Variants in ANKRD13A observed in about 807,000 individuals in gnomAD.
ANKRD13A encodes the protein ankyrin repeat domain-containing protein 13A.
Under a neutral mutation model 81.3 loss-of-function variants are expected in ANKRD13A, and 48 were observed. The observed-to-expected ratio is 0.59, with a 90% CI of 0.47 to 0.75. The LOEUF is 0.75. Among genes scored for constraint, ANKRD13A ranks in the 30% least tolerant of loss-of-function variants. The probability of loss-of-function intolerance (pLI) is 0.00; values close to 1 mark genes in which losing one functional copy is unlikely to be tolerated. For missense variants in ANKRD13A, 612 were observed against 734.0 expected, an observed-to-expected ratio of 0.83 and a Z score of 1.92; for synonymous variants, 230 against 270.1, an observed-to-expected ratio of 0.85 and a Z score of 1.45.
intron 1 of ANKRD13A, among the ~76,000 whole-genome samples, chr12:110,007,114 C>T (rs984632143): frequency 2.6e-5 from 4 of 152,120 alleles, no homozygotes; most frequent in Non-Finnish European, 5.9e-5. Context: ...TTGTGTAGTA[C>T]GTTTTAAAAT....
rs549145909 is a variant in ANKRD13A, at chr12:110,001,409, A to G, written c.96+1625A>G. 7.3e-5 allele frequency among the ~76,000 whole-genome samples: 11 copies of G among 151,332 alleles called. No individual in the cohort carries two copies. In the South Asian group the frequency reaches 1.0e-3, roughly 14 times the overall value. Reference sequence around the variant, plus strand: ...GGTGGTTGAGCCCTCACCGAAGTCCAAAATTACCCTCTTTTCTTTTCTGTT... The same window carrying G: ...GGTGGTTGAGCCCTCACCGAAGTCCGAAATTACCCTCTTTTCTTTTCTGTT... On this transcript the variant is annotated intron_variant, in intron 1 of 14. Transcript: ENST00000261739.
rs11831498 is a variant in ANKRD13A at position 110,006,627 on chromosome 12, G to A, written c.97-5378G>A. ...CTTTTTTTTTTTGAGATGGAGTTTC[G>A]CTCTTGTTGCCTAGGCTGGAGTGCA... is the stretch of plus-strand genomic sequence containing the variant. On this transcript the variant is annotated intron_variant, in intron 1 of 14. Coordinates refer to ENST00000261739, the MANE Select transcript of ANKRD13A (RefSeq NM_033121.2). 4.8e-3 allele frequency among the ~76,000 whole-genome samples: 722 copies of A among 151,040 alleles called. 8 individuals carry two copies. The highest frequency in any genetic ancestry group is 0.017 in the African/African-American group (698 of 41,032).
At chr12:110,003,599 C>T (rs1246561612) in intron 1 of ANKRD13A, among the ~76,000 whole-genome samples, 2 of 152,132 alleles carry the variant, frequency 1.3e-5, no homozygotes, top group South Asian at 2.1e-4. Context: ...CTGGAGTCCC[C>T]CTAAAGGTGA....
intron 1 of ANKRD13A, among the ~76,000 whole-genome samples, chr12:110,000,547 A>G (rs1247764882): frequency 6.6e-6 from 1 of 152,098 alleles, no homozygotes; most frequent in East Asian, 1.9e-4. Flanking sequence ...GTGATTTTGC[A>G]CCCACGACCC....
At chr12:110,037,067 C>T (rs932233484) in intron 14 of ANKRD13A, among the ~76,000 whole-genome samples, 1 of 152,214 alleles carries the variant, frequency 6.6e-6, no homozygotes, top group Non-Finnish European at 1.5e-5. Flanking sequence ...AAGACTTATA[C>T]TTAAGGTGTC....
intron 13 of ANKRD13A, among the ~76,000 whole-genome samples, chr12:110,034,947 C>G (rs777903529): frequency 6.6e-6 from 1 of 152,226 alleles, no homozygotes; most frequent in Non-Finnish European, 1.5e-5. Context: ...TGCTCACACT[C>G]CAGCGTCCTC....
Position 110,028,587 on chromosome 12 carries a change from G to A in ANKRD13A, c.1021G>A (p.Asp341Asn), listed in dbSNP as rs1891481552. ...TPDEYFNEEF[D>N]LKDRDIGRPK... ...TGATGAGTACTTCAATGAAGAGTTT[G>A]ATCTGAAAGACAGGGACATTGGAAG... Residue 341 changes from aspartate (D) to asparagine (N), a missense_variant, in exon 10 of 15, where the codon GAT becomes AAT. Physicochemically the swap from Asp to Asn is conservative, Grantham distance 23. Coordinates refer to ENST00000261739, the MANE Select transcript of ANKRD13A (RefSeq NM_033121.2). The A allele has an allele frequency of 1.2e-6, 2 of 1,614,068 alleles. No homozygotes were observed. Among genetic ancestry groups the A allele is most frequent in the African/African-American group, 1.3e-5 (1 of 74,924 alleles).
intron 4 of ANKRD13A, among the ~76,000 whole-genome samples, chr12:110,016,809 G>GAAC (rs1890827443): frequency 6.6e-6 from 1 of 151,718 alleles, no homozygotes; most frequent in African/African-American, 2.4e-5. Context: ...GTCTCACTCT[G>GAAC]TTGTCCAGGC....
intron 12 of ANKRD13A, among the ~76,000 whole-genome samples, chr12:110,031,603 G>A (rs1259370516): frequency 1.3e-5 from 2 of 151,968 alleles, no homozygotes; most frequent in African/African-American, 4.8e-5. Flanking sequence ...CACCCAGCTC[G>A]GCCTCCCAAA....
chr12:110,026,718 C>A (rs1275679380), intron 8 of ANKRD13A, among the ~76,000 whole-genome samples: 1 of 151,876 alleles, frequency 6.6e-6, no homozygotes, highest in African/African-American at 2.4e-5. Flanking sequence ...CCTATCTTTA[C>A]TAAAAATACA....
At chr12:110,030,556 A>G (rs985825224) in intron 11 of ANKRD13A, 89 bp from the exon 12 acceptor site, 1 of 649,606 alleles carries the variant, frequency 1.5e-6, no homozygotes, top group Non-Finnish European at 2.5e-6. Context: ...TTATCAAAGT[A>G]CTTGGCATAG....
chr12:110,032,866 T>C (rs1891776920), intron 12 of ANKRD13A: 1 of 152,160 alleles, frequency 6.6e-6, no homozygotes, highest in Non-Finnish European at 1.5e-5. Flanking sequence ...CATGATTCCA[T>C]TTATGTCGAG....
At chr12:110,020,616 C>T (rs944506192) in intron 6 of ANKRD13A, among the ~76,000 whole-genome samples, 1 of 152,198 alleles carries the variant, frequency 6.6e-6, no homozygotes, top group African/African-American at 2.4e-5. Flanking sequence ...GACTGACTGG[C>T]TTTCCCTGGG....
chr12:110,033,049 CTTTTTCT>C (rs1891789330), intron 12 of ANKRD13A, among the ~76,000 whole-genome samples: 5 of 144,782 alleles, frequency 3.5e-5, no homozygotes. Context: ...GTGTTTTTTT[CTTTTTCT>C]TTTTTTTTTT....
chr12:110,028,427 G>A (rs930259185), intron 9 of ANKRD13A, 85 bp from the exon 10 acceptor site: 20 of 1,513,974 alleles, frequency 1.3e-5, no homozygotes, highest in African/African-American at 2.8e-5. Flanking sequence ...TGGTTAACAC[G>A]TCCACCTCAG....
Position 110,029,599 on chromosome 12 carries a change from A to G in ANKRD13A, c.1198A>G (p.Lys400Glu), listed in dbSNP as rs745782030. The G allele has an allele frequency of 6.2e-7, 1 of 1,613,670 alleles. No individual in the cohort carries two copies. Among genetic ancestry groups the G allele is most frequent in the South Asian group, 1.1e-5 (1 of 91,082 alleles). The change falls in exon 11 of 15, where the codon AAA becomes GAA. Residue 400 changes from lysine to glutamate, a missense_variant. Lys to Glu is a moderately conservative substitution (Grantham distance 56). Coordinates refer to ENST00000261739, the MANE Select transcript of ANKRD13A (RefSeq NM_033121.2). ...AHFARLRDFI[K>E]LEFPPGFPVK... The stretch of plus-strand genomic sequence containing the variant: ...TTTTGCAAGACTGAGAGATTTCATC[A>G]AATTGGAATTCCCACCTGGATTTCC...
rs906684248 is a variant in ANKRD13A, at chr12:110,039,085, T to G, written c.*1531T>G. On this transcript the variant is annotated 3_prime_UTR_variant, in exon 15 of 15. Coordinates refer to ENST00000261739, the MANE Select transcript of ANKRD13A (RefSeq NM_033121.2). ...TCTGTTTTGTTTTTTTTTTTTGTCA[T>G]TGTCTGACCAAAATTCCTTCTGCAC... 1 of 151,768 alleles carries G rather than the reference T, an allele frequency of 6.6e-6. No individual in the cohort carries two copies. The highest frequency in any genetic ancestry group is 2.4e-5 in the African/African-American group (1 of 41,180). 9.4% of individuals were successfully genotyped at this position (151,768 alleles called of 1,614,324 possible).
intron 10 of ANKRD13A, chr12:110,028,883 G>A (rs565596933): frequency 1.3e-4 from 48 of 373,456 alleles, no homozygotes; most frequent in Middle Eastern, 1.0e-3. Flanking sequence ...GACTACAGGC[G>A]CGTGCCACCA....
At chr12:110,007,348 T>C (rs1412699054) in intron 1 of ANKRD13A, among the ~76,000 whole-genome samples, 2 of 152,134 alleles carry the variant, frequency 1.3e-5, no homozygotes, top group Non-Finnish European at 2.9e-5. Context: ...TTTCAATTTA[T>C]TTAGGTCTTC....
Sources: gnomAD v4.1 joint callset for allele counts (sites outside exome capture counted in the v4.1 genomes callset) on GRCh38, gnomAD v4.1.1 for gene constraint, MANE v1.5 for transcripts, NCBI Gene and HGNC (gene_info 2026-07-23, HGNC 2026-07-21) for gene names.